The following ITPR2 variants were observed in gnomAD, a reference collection of about 807,000 sequenced individuals.
The protein encoded by ITPR2 is inositol 1,4,5-trisphosphate receptor type 2.
Under a neutral mutation model 317.1 loss-of-function variants are expected in ITPR2, and 207 were observed. That is an observed-to-expected ratio of 0.65 (90% CI 0.58 to 0.73). The LOEUF (loss-of-function observed/expected upper bound fraction) is 0.73, where lower values mean the gene tolerates loss of function less well. Ranked by LOEUF, ITPR2 falls within the 30% of genes least tolerant of loss-of-function variation. The pLI, the probability that ITPR2 is intolerant of heterozygous loss-of-function variation, is 0.00. For synonymous variants in ITPR2, 1,156 were observed against 1,149.1 expected (o/e 1.01, Z -0.12); for missense variants, 2,613 against 3,284.0 (o/e 0.80, Z 4.99).
At chr12:26,592,041 T>C (rs1386874883) in intron 32 of ITPR2, among the ~76,000 whole-genome samples, 3 of 150,382 alleles carry the variant, frequency 2.0e-5, no homozygotes, top group Admixed American at 6.6e-5. Context: ...ATGTGGTACA[T>C]ATACACAACA....
At chr12:26,706,266 T>C (rs1437998773) in intron 9 of ITPR2, among the ~76,000 whole-genome samples, 3 of 152,218 alleles carry the variant, frequency 2.0e-5, no homozygotes, top group Non-Finnish European at 1.5e-5. Context: ...GAAACTACTA[T>C]ATTACACAGT....
intron 55 of ITPR2, among the ~76,000 whole-genome samples, chr12:26,354,150 T>G (rs1361118038): frequency 6.6e-6 from 1 of 152,082 alleles, no homozygotes; most frequent in African/African-American, 2.4e-5. Flanking sequence ...GGCAGGTGTC[T>G]GTAATCCCAG....
Position 26,417,089 on chromosome 12 carries a change from T to G in ITPR2, c.7111-1591A>C, listed in dbSNP as rs936217939. ...ATTATTCTGGATAAAAGACTGACAA[T>G]TGTGGGTACAACAGGGAATATTCAA... On this transcript the variant is annotated intron_variant, in intron 50 of 56. Coordinates refer to ENST00000381340, the MANE Select transcript of ITPR2 (RefSeq NM_002223.4). Among the ~76,000 whole-genome samples the G allele has an allele frequency of 2.6e-5, 4 of 152,290 alleles. No individual in the cohort carries two copies. The East Asian group carries it at 5.8e-4, about 22-fold the overall frequency.
chr12:26,815,192 A>T (rs183570883), intron 1 of ITPR2, among the ~76,000 whole-genome samples: 3 of 152,282 alleles, frequency 2.0e-5, no homozygotes, highest in African/African-American at 7.2e-5. Flanking sequence ...TTAGCCAGGC[A>T]TGATGGTGCA....
rs1230437129 is a variant in ITPR2, at chr12:26,665,955, G to A, written c.1506C>T (p.Asn502=). Reference sequence around the variant, plus strand: ...CCCTCATCAATTTTTGACGCTCTCGGTTTGGCTTAGTGATAACCACATCCA... The same window carrying A: ...CCCTCATCAATTTTTGACGCTCTCGATTTGGCTTAGTGATAACCACATCCA... ...EVLDVVITKP[N]RERQKLMREQ... is the part of the protein sequence containing the mutation. Residue 502 remains asparagine (N), a synonymous_variant, in exon 14 of 57, where the codon AAC becomes AAT. Coordinates refer to ENST00000381340, the MANE Select transcript of ITPR2 (RefSeq NM_002223.4). 6.2e-7 allele frequency: 1 copy of A among 1,613,746 alleles called. No homozygotes were observed. Among genetic ancestry groups the A allele is most frequent in the Non-Finnish European group, 8.5e-7 (1 of 1,179,824 alleles).
Position 26,561,877 on chromosome 12 carries a change from T to C in ITPR2, c.4706A>G (p.Asn1569Ser). ...ACCCATTGCTGCTCTCTGCACCATA[T>C]TTGAATGGCTCTTCATGAAAAGAGT... ...VNTLFMKSHS[N>S]MVQRAAMGWR... The change falls in exon 35 of 57, where the codon AAT becomes AGT. Residue 1569 changes from asparagine (N) to serine (S), a missense_variant. Asn to Ser is a conservative substitution (Grantham distance 46). Around this residue, in one of 9 missense-constraint regions of ITPR2, gnomAD observed 926 missense variants for 1,072.8 expected, o/e 0.86. Coordinates refer to ENST00000381340, the MANE Select transcript of ITPR2 (RefSeq NM_002223.4). 1.3e-6 allele frequency: 2 copies of C among 1,590,374 alleles called. No homozygotes were observed. Among genetic ancestry groups the C allele is most frequent in the South Asian group, 1.2e-5 (1 of 85,336 alleles).
intron 50 of ITPR2, among the ~76,000 whole-genome samples, chr12:26,416,054 T>C (rs1252343984): frequency 4.6e-5 from 7 of 152,138 alleles, no homozygotes; most frequent in African/African-American, 1.2e-4. Context: ...ATAAAACTAT[T>C]TGGGAAATGC....
chr12:26,385,432 C>A (rs771623270), intron 55 of ITPR2, among the ~76,000 whole-genome samples: 3 of 152,164 alleles, frequency 2.0e-5, no homozygotes, highest in African/African-American at 7.2e-5. Flanking sequence ...ATCCTCACCC[C>A]TAATCTCATC....
intron 22 of ITPR2, 47 bp from the exon 23 acceptor site, chr12:26,628,209 T>C (rs1203050618): frequency 6.8e-7 from 1 of 1,470,524 alleles, no homozygotes. Flanking sequence ...ATTAGCATAG[T>C]ATTTAAAAAT....
At chr12:26,486,428 A>C in intron 40 of ITPR2, 68 bp from the exon 41 acceptor site, 1 of 990,804 alleles carries the variant, frequency 1.0e-6, no homozygotes, top group Non-Finnish European at 1.5e-6. Context: ...AAAAAAAAAC[A>C]AACCAGGTAC....
chr12:26,833,093 C>G lies in ITPR2; in HGVS notation c.-312G>C, dbSNP rs562216543. The stretch of plus-strand genomic sequence containing the variant: ...CCTTTCTGAAGTTTTCTCTCCAACA[C>G]CTTTGCTCCTCCTCCTCCTCCTTCC... On this transcript the variant is annotated 5_prime_UTR_variant, in exon 1 of 57. Transcript: ENST00000381340. The G allele has an allele frequency of 1.2e-5, 4 of 337,866 alleles. No homozygotes were observed. Among genetic ancestry groups the G allele is most frequent in the African/African-American group, 8.9e-5 (4 of 44,952 alleles). The allele number at this position is 337,866 out of a possible 1,614,324, so 20.9% of individuals were successfully genotyped here.
Position 26,682,597 on chromosome 12 carries a change from C to T in ITPR2, c.1225G>A (p.Glu409Lys). The T allele has an allele frequency of 1.2e-6, 2 of 1,611,308 alleles. No homozygotes were observed. The highest frequency in any genetic ancestry group is 1.7e-6 in the Non-Finnish European group (2 of 1,178,090). Reference protein sequence around the residue: ...TSTSIPIDTDEERPVMLKIGT... With the variant: ...TSTSIPIDTDKERPVMLKIGT... The stretch of plus-strand genomic sequence containing the variant: ...ACCTTTAACATAACAGGCCTCTCTT[C>T]ATCTGTGTCTATGGGGATACTAGTA... Residue 409 changes from glutamate (E) to lysine (K), a missense_variant, in exon 12 of 57, where the codon GAA becomes AAA. Glu to Lys is a moderately conservative substitution (Grantham distance 56). Transcript: ENST00000381340.
At chr12:26,733,236 A>G (rs1017036562) in intron 2 of ITPR2, among the ~76,000 whole-genome samples, 2 of 151,182 alleles carry the variant, frequency 1.3e-5, no homozygotes, top group Non-Finnish European at 2.9e-5. Flanking sequence ...ATCGTTTGAA[A>G]CCAGGAAGCA....
intron 9 of ITPR2, among the ~76,000 whole-genome samples, chr12:26,703,888 C>T (rs1373212352): frequency 6.6e-6 from 1 of 152,136 alleles, no homozygotes; most frequent in Middle Eastern, 3.2e-3. Context: ...AACAAAATAG[C>T]CATTGAATAG....
intron 45 of ITPR2, among the ~76,000 whole-genome samples, chr12:26,469,662 C>T (rs1942253121): frequency 6.6e-6 from 1 of 152,068 alleles, no homozygotes; most frequent in South Asian, 2.1e-4. Flanking sequence ...GAGAGCTGAT[C>T]TGTTGCGGAT....
intron 45 of ITPR2, among the ~76,000 whole-genome samples, chr12:26,463,442 G>A (rs536100448): frequency 1.1e-4 from 17 of 152,104 alleles, no homozygotes; most frequent in South Asian, 1.0e-3. Flanking sequence ...TGAGGTGGGC[G>A]GATTATCTGA....
chr12:26,635,271 T>C (rs1474591385), intron 21 of ITPR2, among the ~76,000 whole-genome samples: 3 of 152,258 alleles, frequency 2.0e-5, no homozygotes, highest in African/African-American at 7.2e-5. Flanking sequence ...CATGAATTTA[T>C]AGCAGGTGTA....
chr12:26,491,735 A>G lies in ITPR2; in HGVS notation c.5370+2418T>C, dbSNP rs1232957961. Among the ~76,000 whole-genome samples the G allele has an allele frequency of 2.0e-5, 3 of 152,168 alleles. No homozygotes were observed. The South Asian group carries it at 6.2e-4, about 31-fold the overall frequency. On this transcript the variant is annotated intron_variant, in intron 39 of 56. Transcript: ENST00000381340. ...TGGGATGTTCAGGAAGAGAGTAAGT[A>G]AGGGTGGACAAGTTAAGGTCAAGGA...
chr12:26,552,830 C>A (rs577542513), intron 36 of ITPR2, among the ~76,000 whole-genome samples: 2 of 152,214 alleles, frequency 1.3e-5, no homozygotes, highest in South Asian at 4.2e-4. Flanking sequence ...TTTTCGCTCT[C>A]TCAGGCTAAG....
Sources: allele counts gnomAD v4.1 joint callset (sites outside exome capture counted in the v4.1 genomes callset), GRCh38; gene constraint gnomAD v4.1.1; regional missense constraint gnomAD v4.1.1; transcripts MANE v1.5; gene names NCBI Gene and HGNC (gene_info 2026-07-23, HGNC 2026-07-21).